The following HECW2 variants were observed in gnomAD, a reference collection of about 807,000 sequenced individuals.
HECW2 encodes E3 ubiquitin-protein ligase HECW2.
A neutral mutation model predicts 175.2 loss-of-function variants in HECW2; 61 were observed. That is an observed-to-expected ratio of 0.35 (90% confidence interval 0.28 to 0.43). The LOEUF is 0.43. Among genes scored for constraint, HECW2 ranks in the 20% least tolerant of loss-of-function variants. HECW2 has a pLI of 1.00. For missense variants in HECW2, 1,524 were observed against 2,000.5 expected (o/e 0.76, Z 4.54); for synonymous variants, 671 against 731.0 (o/e 0.92, Z 1.32).
At chr2:196,495,744 C>T (rs1299179316) in intron 1 of HECW2, among the ~76,000 whole-genome samples, 1 of 152,156 alleles carries the variant, frequency 6.6e-6, no homozygotes, top group Non-Finnish European at 1.5e-5. Context: ...TTGCAACTAC[C>T]TTTCGGTCAC....
At chr2:196,211,041 C>T (rs76383722) in intron 28 of HECW2, among the ~76,000 whole-genome samples, 3,824 of 152,266 alleles carry the variant, frequency 0.025, 155 homozygotes, top group African/African-American at 0.086. Context: ...ATAATTAACT[C>T]TTACAATTTA....
intron 1 of HECW2, among the ~76,000 whole-genome samples, chr2:196,567,973 AT>A (rs1690240165): frequency 6.6e-6 from 1 of 152,196 alleles, no homozygotes; most frequent in South Asian, 2.1e-4. Context: ...TAAATCTTTC[AT>A]TTTACTTTAA....
intron 1 of HECW2, among the ~76,000 whole-genome samples, chr2:196,470,706 T>C (rs775881992): frequency 2.0e-5 from 3 of 152,168 alleles, no homozygotes; most frequent in Non-Finnish European, 2.9e-5. Flanking sequence ...TTTAGATTAT[T>C]AGTACATGAC....
intron 1 of HECW2, among the ~76,000 whole-genome samples, chr2:196,521,737 GT>G (rs1303581025): frequency 6.7e-6 from 1 of 148,596 alleles, no homozygotes; most frequent in African/African-American, 2.5e-5. Context: ...GCAGTGTTTG[GT>G]TTTTTGTTCT....
intron 1 of HECW2, among the ~76,000 whole-genome samples, chr2:196,535,050 CAA>C (rs34284545): frequency 4.5e-5 from 6 of 134,324 alleles, no homozygotes; most frequent in African/African-American, 7.8e-5. Flanking sequence ...GTCAATATAA[CAA>C]AAAAAAAAAA....
chr2:196,584,008 C>T (rs779055600), intron 1 of HECW2, among the ~76,000 whole-genome samples: 3 of 152,158 alleles, frequency 2.0e-5, no homozygotes, highest in Non-Finnish European at 2.9e-5. Context: ...ACACTGTCTC[C>T]CAACTCCTCC....
At chr2:196,272,142 C>G (rs775612601) in intron 16 of HECW2, among the ~76,000 whole-genome samples, 1 of 152,132 alleles carries the variant, frequency 6.6e-6, no homozygotes, top group Non-Finnish European at 1.5e-5. Context: ...TAGTTGGCAG[C>G]AACAACTAGG....
At chr2:196,563,705 A>T (rs962162956) in intron 1 of HECW2, among the ~76,000 whole-genome samples, 2 of 152,236 alleles carry the variant, frequency 1.3e-5, no homozygotes, top group East Asian at 3.8e-4. Flanking sequence ...TGTGCATCTA[A>T]AAATATAATA....
At chr2:196,204,898 T>C (rs1371689876) in intron 28 of HECW2, among the ~76,000 whole-genome samples, 1 of 152,238 alleles carries the variant, frequency 6.6e-6, no homozygotes, top group East Asian at 1.9e-4. Flanking sequence ...TTTGAATGTC[T>C]CTTTGCCATT....
At chr2:196,362,935 A>G (rs2105887387) in intron 2 of HECW2, among the ~76,000 whole-genome samples, 1 of 152,324 alleles carries the variant, frequency 6.6e-6, no homozygotes, top group South Asian at 2.1e-4. Context: ...CATGTCAGGT[A>G]CATTTGCTGT....
intron 2 of HECW2, among the ~76,000 whole-genome samples, chr2:196,401,155 G>A (rs1372498386): frequency 1.3e-5 from 2 of 152,212 alleles, no homozygotes; most frequent in African/African-American, 2.4e-5. Flanking sequence ...GCTCAAAAAT[G>A]TAAGTGTAGG....
intron 14 of HECW2, 180 bp from the exon 15 acceptor site, chr2:196,278,842 C>T: frequency 1.6e-6 from 1 of 624,292 alleles, no homozygotes; most frequent in East Asian, 2.9e-5. Flanking sequence ...TTAGAGAAAG[C>T]CAAGCTTAGA....
chr2:196,405,649 C>A (rs2125216463), intron 2 of HECW2, among the ~76,000 whole-genome samples: 1 of 152,268 alleles, frequency 6.6e-6, no homozygotes, highest in African/African-American at 2.4e-5. Context: ...TTGTGCACAT[C>A]AATGTCATGT....
chr2:196,319,059 A>G lies in HECW2; in HGVS notation c.1831T>C (p.Ser611Pro). Reference sequence around the variant, plus strand: ...GGATCACTGGGTTCTGTTTCAGAGGACACCTGGGAAGGCTCAGAGCCCTGA... The same window carrying G: ...GGATCACTGGGTTCTGTTTCAGAGGGCACCTGGGAAGGCTCAGAGCCCTGA... ...LDQGSEPSQV[S>P]SETEPSDPAR... is the part of the protein sequence containing the mutation. Residue 611 changes from serine (S) to proline (P), a missense_variant, in exon 9 of 29, where the codon TCC (serine) becomes CCC (proline). Ser to Pro is a moderately conservative substitution (Grantham distance 74). Around this residue, in one of 11 missense-constraint regions of HECW2, gnomAD observed 604 missense variants for 588.3 expected, o/e 1.03. Transcript: ENST00000644978. The G allele has an allele frequency of 6.2e-7, 1 of 1,612,712 alleles. No individual in the cohort carries two copies.
chr2:196,258,115 T>C, intron 17 of HECW2: 1 of 537,700 alleles, frequency 1.9e-6, no homozygotes, highest in South Asian at 2.5e-5. Context: ...CACCTCCCAG[T>C]TCTAATGTTG....
chr2:196,292,312 G>A, intron 14 of HECW2: 1 of 422,752 alleles, frequency 2.4e-6, no homozygotes, highest in Non-Finnish European at 4.3e-6. Context: ...ATGACAGGTA[G>A]GAGAGTTTCC....
intron 1 of HECW2, among the ~76,000 whole-genome samples, chr2:196,556,868 G>A (rs1046042418): frequency 4.6e-5 from 7 of 152,048 alleles, no homozygotes; most frequent in African/African-American, 1.4e-4. Flanking sequence ...AACTTAAAAG[G>A]CAAATTGAAA....
chr2:196,328,373 A>G (rs1275011551), intron 5 of HECW2, among the ~76,000 whole-genome samples: 2 of 152,188 alleles, frequency 1.3e-5, no homozygotes, highest in African/African-American at 4.8e-5. Flanking sequence ...TTATTGGCCA[A>G]ATTTGAACCA....
At chr2:196,457,646 C>G (rs1414551291) in intron 1 of HECW2, among the ~76,000 whole-genome samples, 2 of 152,168 alleles carry the variant, frequency 1.3e-5, no homozygotes, top group Non-Finnish European at 2.9e-5. Context: ...GTCAACCACA[C>G]TGGTCCTTTA....
Sources: gnomAD v4.1 joint callset for allele counts (sites outside exome capture counted in the v4.1 genomes callset) on GRCh38, gnomAD v4.1.1 for gene constraint, gnomAD v4.1.1 regional missense constraint, MANE v1.5 for transcripts, NCBI Gene and HGNC (gene_info 2026-07-23, HGNC 2026-07-21) for gene names.